VN1R2: variants seen among roughly 807,000 people sequenced by gnomAD.
The protein encoded by VN1R2 is vomeronasal type-1 receptor 2.
For missense variants in VN1R2, 418 were observed against 452.4 expected (o/e 0.92, Z 0.69); for synonymous variants, 160 against 173.1 (o/e 0.92, Z 0.59).
chr19:53,258,880 CA>C, upstream of VN1R2: 1 of 1,614,102 alleles, frequency 6.2e-7, no homozygotes, highest in Non-Finnish European at 8.5e-7. Context: ...TTTGTATGCA[CA>C]CAGGGTAGGC....
Position 53,259,389 on chromosome 19 carries a change from A to C in VN1R2, c.1014A>C (p.Leu338Phe), listed in dbSNP as rs1226050329. The C allele has an allele frequency of 6.2e-7, 1 of 1,614,240 alleles. No homozygotes were observed. Among genetic ancestry groups the C allele is most frequent in the African/African-American group, 1.3e-5 (1 of 75,060 alleles). ...TTTCCTTCATCACCTACGTTTATTT[A>C]GCTCTCTTCGATAATTCCAGTTGGT... Reference protein sequence around the residue: ...YALSFITYVYLALFDNSSWWL... With the variant: ...YALSFITYVYFALFDNSSWWL... The change falls in exon 1 of 1, where the codon TTA (leucine) becomes TTC (phenylalanine). Residue 338 changes from leucine (L) to phenylalanine (F), a missense_variant. Leu to Phe is a conservative substitution (Grantham distance 22). Transcript: ENST00000341702.
At chr19:53,259,051 A>AT, upstream of VN1R2, 1 of 1,614,128 alleles carries the variant, frequency 6.2e-7, no homozygotes, top group Non-Finnish European at 8.5e-7. Context: ...GGTAAATGCC[A>AT]TTTTTCCTAT....
At position 53,259,013 on chromosome 19, in the gene VN1R2, A is replaced by G. The variant is rs1441676507; in HGVS notation, c.638A>G (p.Asn213Ser). ...GCCCCGACATACATTGGTCTCTCCA[A>G]TATCCTGTGCTGGGCCTTCCACATG... ...VKAPTYIGLS[N>S]ILCWAFHMLV... Residue 213 changes from asparagine to serine, a missense_variant, in exon 1 of 1, where the codon AAT becomes AGT. Physicochemically the swap from Asn to Ser is conservative, Grantham distance 46. Transcript: ENST00000341702. 2 of 1,614,166 alleles carry G rather than the reference A, an allele frequency of 1.2e-6. No individual in the cohort carries two copies. The highest frequency in any genetic ancestry group is 2.2e-5 in the East Asian group (1 of 44,874).
chr19:53,258,928 G>A lies in VN1R2; in HGVS notation c.553G>A (p.Val185Ile), dbSNP rs776291171. The A allele has an allele frequency of 5.0e-6, 8 of 1,614,064 alleles. No homozygotes were observed. The highest frequency in any genetic ancestry group is 1.7e-5 in the Admixed American group (1 of 60,002). The change falls in exon 1 of 1, where the codon GTC becomes ATC. Residue 185 changes from valine to isoleucine, a missense_variant. By Grantham distance (29) the Val-to-Ile change is conservative (BLOSUM62 3). Coordinates refer to ENST00000341702, the MANE Select transcript of VN1R2 (RefSeq NM_173856.2). The stretch of plus-strand genomic sequence containing the variant: ...CATTGGAAGCACCTGCCTCTTGAGT[G>A]TCTTCCAGGTGATCACCATCAACCC... ...VSIGSTCLLS[V>I]FQVITINPRN...
rs1169924669 is a variant in VN1R2, at chr19:53,259,202, T to C, written c.827T>C (p.Leu276Pro). ...TSFHDVLCLG[L>P]MLWASSSIVL... Reference sequence around the variant, plus strand: ...TTCCATGATGTTTTGTGTCTGGGGCTCATGCTCTGGGCCAGCAGCTCCATC... The same window carrying C: ...TTCCATGATGTTTTGTGTCTGGGGCCCATGCTCTGGGCCAGCAGCTCCATC... The change falls in exon 1 of 1, where the codon CTC becomes CCC. Residue 276 changes from leucine (L) to proline (P), a missense_variant. By Grantham distance (98) the Leu-to-Pro change is moderately conservative (BLOSUM62 -3). Coordinates refer to ENST00000341702, the MANE Select transcript of VN1R2 (RefSeq NM_173856.2). 1 of 1,614,194 alleles carries C rather than the reference T, an allele frequency of 6.2e-7. No homozygotes were observed. Among genetic ancestry groups the C allele is most frequent in the African/African-American group, 1.3e-5 (1 of 75,032 alleles).
In VN1R2 at chr19:53,259,415, G is replaced by T; in HGVS notation, c.1040G>T (p.Trp347Leu). The T allele has an allele frequency of 6.2e-7, 1 of 1,614,188 alleles. No homozygotes were observed. The highest frequency in any genetic ancestry group is 8.5e-7 in the Non-Finnish European group (1 of 1,180,034). Residue 347 changes from tryptophan to leucine, a missense_variant, in exon 1 of 1, where the codon TGG becomes TTG. Coordinates refer to ENST00000341702, the MANE Select transcript of VN1R2 (RefSeq NM_173856.2). ...YLALFDNSSW[W>L]LVNTAALIIA... is the part of the protein sequence containing the mutation. The stretch of plus-strand genomic sequence containing the variant: ...GCTCTCTTCGATAATTCCAGTTGGT[G>T]GCTAGTGAACACTGCTGCACTAATC...
upstream of VN1R2, chr19:53,258,708 T>A (rs760186272): frequency 1.9e-6 from 3 of 1,614,132 alleles, no homozygotes; most frequent in Non-Finnish European, 2.5e-6. Flanking sequence ...TATATTATTA[T>A]ATGTTCCTTT....
rs2091323419 is a variant in VN1R2 at position 53,258,719 on chromosome 19, A to G, written c.344A>G (p.Tyr115Cys). ...CTCTTATATTATTATATGTTCCTTTACTTTAGGGGATACAAGCCAAGATCC... is the reference window on the plus strand; with the variant it reads ...CTCTTATATTATTATATGTTCCTTTGCTTTAGGGGATACAAGCCAAGATCC... ...FSLLYYYMFL[Y>C]FRGYKPRSTD... The change falls in exon 1 of 1, where the codon TAC becomes TGC. Residue 115 changes from tyrosine to cysteine, a missense_variant. Tyr to Cys is a radical substitution (Grantham distance 194). Coordinates refer to ENST00000341702, the MANE Select transcript of VN1R2 (RefSeq NM_173856.2). 1.2e-6 allele frequency: 2 copies of G among 1,613,626 alleles called. No homozygotes were observed. The highest frequency in any genetic ancestry group is 1.7e-6 in the Non-Finnish European group (2 of 1,179,940).
At position 53,259,544 on chromosome 19, in the gene VN1R2, A is replaced by T; in HGVS notation, c.1169A>T (p.His390Leu). The change falls in exon 1 of 1, where the codon CAT becomes CTT. Residue 390 changes from histidine to leucine, a missense_variant. Physicochemically the swap from His to Leu is moderately conservative, Grantham distance 99. Transcript: ENST00000341702. ...TGCAGAAGAAATAGACGATTCTTTC[A>T]TGATTTCAGGAAAATGTGAATTGGC... ...ICCRRNRRFFHDFRKM is the reference protein window; with the variant it reads ...ICCRRNRRFFLDFRKM The T allele has an allele frequency of 6.2e-7, 1 of 1,610,448 alleles. No individual in the cohort carries two copies. The highest frequency in any genetic ancestry group is 8.5e-7 in the Non-Finnish European group (1 of 1,177,842).
Position 53,259,274 on chromosome 19 carries a change from G to A in VN1R2, c.899G>A (p.Arg300Lys). The A allele has an allele frequency of 6.2e-7, 1 of 1,614,144 alleles. No individual in the cohort carries two copies. The highest frequency in any genetic ancestry group is 1.7e-5 in the Admixed American group (1 of 60,020). Residue 300 changes from arginine (R) to lysine (K), a missense_variant, in exon 1 of 1, where the codon AGG becomes AAG. Physicochemically the swap from Arg to Lys is conservative, Grantham distance 26. Transcript: ENST00000341702. ...AAACAGCAGGTACAACACATCTGTA[G>A]GAACAATCTCTACCCCAACTCTTCT... is the stretch of plus-strand genomic sequence containing the variant. Reference protein sequence around the residue: ...RHKQQVQHICRNNLYPNSSPG... With the variant: ...RHKQQVQHICKNNLYPNSSPG...
Position 53,258,599 on chromosome 19 carries a change from C to G in VN1R2, c.224C>G (p.Ser75Cys), listed in dbSNP as rs541391369. Residue 75 changes from serine (S) to cysteine (C), a missense_variant, in exon 1 of 1, where the codon TCT (serine) becomes TGT (cysteine). Transcript: ENST00000341702. ...SLCLVSLFLH[S>C]LVSAHGEKPT... ...TGTCTTGTGTCTTTATTTCTACACT[C>G]TCTTGTCTCTGCACACGGAGAGAAA... The G allele has an allele frequency of 3.8e-6, 6 of 1,581,230 alleles. No individual in the cohort carries two copies. The African/African-American group carries it at 4.1e-5, about 11-fold the overall frequency.
upstream of VN1R2, chr19:53,258,861 C>A: frequency 6.2e-7 from 1 of 1,614,092 alleles, no homozygotes; most frequent in Non-Finnish European, 8.5e-7. Flanking sequence ...ATTTTGGATG[C>A]AAATTTCTTT....
Position 53,258,355 on chromosome 19 carries a change from T to G in VN1R2, c.-21T>G, listed in dbSNP as rs139095621. 2,891 of 666,274 alleles carry G rather than the reference T, an allele frequency of 4.3e-3. 69 individuals are homozygous for G. In the African/African-American group the frequency reaches 0.046, roughly 11 times the overall value. The allele number at this position is 666,274 out of a possible 1,614,324, so 41.3% of individuals were successfully genotyped here. On this transcript the variant is annotated 5_prime_UTR_variant, in exon 1 of 1. Coordinates refer to ENST00000341702, the MANE Select transcript of VN1R2 (RefSeq NM_173856.2). ...CTGTCCAGTGGACACGTGACCCACG[T>G]GACCTTACCTATCATTGGAGATGAC...
Position 53,259,417 on chromosome 19 carries a change from C to G in VN1R2, c.1042C>G (p.Leu348Val), listed in dbSNP as rs148663224. Residue 348 changes from leucine (L) to valine (V), a missense_variant, in exon 1 of 1, where the codon CTA becomes GTA. Physicochemically the swap from Leu to Val is conservative, Grantham distance 32 (BLOSUM62 1). Coordinates refer to ENST00000341702, the MANE Select transcript of VN1R2 (RefSeq NM_173856.2). ...TCTCTTCGATAATTCCAGTTGGTGG[C>G]TAGTGAACACTGCTGCACTAATCAT... ...LALFDNSSWW[L>V]VNTAALIIAC... 5.6e-6 allele frequency: 9 copies of G among 1,614,102 alleles called. No homozygotes were observed. Among genetic ancestry groups the G allele is most frequent in the Non-Finnish European group, 7.6e-6 (9 of 1,180,038 alleles).
chr19:53,259,204 A>G lies in VN1R2; in HGVS notation c.829A>G (p.Met277Val). The G allele has an allele frequency of 6.2e-7, 1 of 1,614,184 alleles. No individual in the cohort carries two copies. The highest frequency in any genetic ancestry group is 8.5e-7 in the Non-Finnish European group (1 of 1,180,024). The change falls in exon 1 of 1, where the codon ATG (methionine) becomes GTG (valine). Residue 277 changes from methionine to valine, a missense_variant. Met to Val is a conservative substitution (Grantham distance 21). Transcript: ENST00000341702. ...SFHDVLCLGL[M>V]LWASSSIVLV... ...CCATGATGTTTTGTGTCTGGGGCTC[A>G]TGCTCTGGGCCAGCAGCTCCATCGT... is the stretch of plus-strand genomic sequence containing the variant.
Position 53,258,539 on chromosome 19 carries a change from T to C in VN1R2, c.164T>C (p.Val55Ala). The C allele has an allele frequency of 6.5e-7, 1 of 1,536,048 alleles. No individual in the cohort carries two copies. The highest frequency in any genetic ancestry group is 1.2e-5 in the South Asian group (1 of 83,964). ...GGTCTCCGCGTCTTGGTGGTAGTGG[T>C]CCCCCAGACACAGCTGTCTTTTCTT... ...TTGLRVLVVV[V>A]PQTQLSFLSS... Residue 55 changes from valine (V) to alanine (A), a missense_variant, in exon 1 of 1, where the codon GTC (valine) becomes GCC (alanine). Physicochemically the swap from Val to Ala is moderately conservative, Grantham distance 64. Coordinates refer to ENST00000341702, the MANE Select transcript of VN1R2 (RefSeq NM_173856.2).
In VN1R2 at chr19:53,258,964, A is replaced by C; in HGVS notation, c.589A>C (p.Arg197=). The C allele has an allele frequency of 6.2e-7, 1 of 1,614,186 alleles. No homozygotes were observed. The highest frequency in any genetic ancestry group is 8.5e-7 in the Non-Finnish European group (1 of 1,180,028). ...GATCACCATCAACCCTAGGAACTCCAGGTGGGCAGAGATGAAAGTAAAAGC... is the reference window on the plus strand; with the variant it reads ...GATCACCATCAACCCTAGGAACTCCCGGTGGGCAGAGATGAAAGTAAAAGC... ...QVITINPRNS[R]WAEMKVKAPT... is the part of the protein sequence containing the mutation. The change falls in exon 1 of 1, where the codon AGG becomes CGG. Residue 197 remains arginine (R), a synonymous_variant. Coordinates refer to ENST00000341702, the MANE Select transcript of VN1R2 (RefSeq NM_173856.2).
Position 53,258,513 on chromosome 19 carries a change from C to G in VN1R2, c.138C>G (p.Thr46=). 2.1e-6 allele frequency: 3 copies of G among 1,425,424 alleles called. No individual in the cohort carries two copies. The highest frequency in any genetic ancestry group is 2.9e-6 in the Non-Finnish European group (3 of 1,033,642). 88.3% of individuals were successfully genotyped at this position (1,425,424 alleles called of 1,614,324 possible). A position where few individuals can be genotyped will look rare whatever the true frequency, so the allele number is the denominator to read the frequency against. Residue 46 remains threonine (T), a synonymous_variant, in exon 1 of 1, where the codon ACC becomes ACG. Transcript: ENST00000341702. ...GCAGCCTGGCATTCGGGGCCACTAC[C>G]GGTCTCCGCGTCTTGGTGGTAGTGG... ...YQCSLAFGAT[T]GLRVLVVVVP...
In VN1R2 at chr19:53,258,930, C is replaced by T. The variant is rs1008192407; in HGVS notation, c.555C>T (p.Val185=). Residue 185 remains valine (V), a synonymous_variant, in exon 1 of 1, where the codon GTC becomes GTT. Transcript: ENST00000341702. ...TTGGAAGCACCTGCCTCTTGAGTGT[C>T]TTCCAGGTGATCACCATCAACCCTA... is the stretch of plus-strand genomic sequence containing the variant. The part of the protein sequence containing the change: ...VSIGSTCLLS[V]FQVITINPRN... 2.5e-6 allele frequency: 4 copies of T among 1,614,064 alleles called. No homozygotes were observed. In the African/African-American group the frequency reaches 5.3e-5, roughly 22 times the overall value.
Sources: allele counts gnomAD v4.1 joint callset, GRCh38; gene constraint gnomAD v4.1.1; transcripts MANE v1.5; gene names NCBI Gene and HGNC (gene_info 2026-07-23, HGNC 2026-07-21).